The following CLCN5 variants were observed in gnomAD, a reference collection of about 807,000 sequenced individuals.
CLCN5 encodes H(+)/Cl(-) exchange transporter 5.
In CLCN5, 17 loss-of-function variants were observed where a neutral mutation model predicts 54.0. That is an observed-to-expected ratio of 0.31 (90% CI 0.22 to 0.47). The LOEUF is 0.47. Among genes scored for constraint, CLCN5 ranks in the 20% least tolerant of loss-of-function variants. The pLI is 1.00. For missense variants in CLCN5, 448 were observed against 646.7 expected, an observed-to-expected ratio of 0.69 and a Z score of 3.33; for synonymous variants, 222 against 233.0, an observed-to-expected ratio of 0.95 and a Z score of 0.43.
chrX:50,073,070 G>T (rs868947490), intron 6 of CLCN5, among the ~76,000 whole-genome samples: 20 of 110,468 alleles, frequency 1.8e-4, no homozygotes, highest in African/African-American at 5.6e-4. Flanking sequence ...CATAGTGGCT[G>T]GGGGTGGAAT....
chrX:49,981,442 A>G (rs1928725444), intron 3 of CLCN5, among the ~76,000 whole-genome samples: 1 of 111,528 alleles, frequency 9.0e-6, no homozygotes, highest in Admixed American at 9.6e-5. Flanking sequence ...CAACCACAAA[A>G]TGATGATCAA....
chrX:50,040,777 C>T (rs1557187047), intron 3 of CLCN5, among the ~76,000 whole-genome samples: 2 of 111,939 alleles, frequency 1.8e-5, no homozygotes, highest in African/African-American at 6.5e-5. Flanking sequence ...GCCTATCCAG[C>T]ATCATTTTTG....
intron 3 of CLCN5, among the ~76,000 whole-genome samples, chrX:49,971,419 T>C (rs1444517667): frequency 3.7e-5 from 4 of 109,164 alleles, no homozygotes; most frequent in Non-Finnish European, 7.6e-5. Context: ...AGGTGTGAGA[T>C]TGTACACTTT....
intron 3 of CLCN5, among the ~76,000 whole-genome samples, chrX:49,958,217 C>T (rs782063772): frequency 2.5e-4 from 28 of 111,391 alleles, no homozygotes; most frequent in African/African-American, 8.8e-4. Flanking sequence ...TGGAATTGTG[C>T]AGTATATATC....
chrX:49,944,186 C>T (rs1926553146), intron 3 of CLCN5, among the ~76,000 whole-genome samples: 1 of 111,402 alleles, frequency 9.0e-6, no homozygotes, highest in Non-Finnish European at 1.9e-5. Context: ...GAAATTCACT[C>T]ATGATTTGGC....
rs183463773 is a variant in CLCN5, at chrX:50,078,006, C to T, written c.603+2024C>T. Among the ~76,000 whole-genome samples, 24 of 99,066 alleles carry T rather than the reference C, an allele frequency of 2.4e-4. No homozygotes were observed. In the South Asian group the frequency reaches 4.6e-3, roughly 19 times the overall value. 86.0% of individuals were successfully genotyped at this position (99,066 alleles called of 115,157 possible). A position where few individuals can be genotyped will look rare whatever the true frequency, so the allele number is the denominator to read the frequency against. On this transcript the variant is annotated intron_variant, in intron 7 of 14. Coordinates refer to ENST00000376091, the MANE Select transcript of CLCN5 (RefSeq NM_001127898.4). ...TCGCACCACTGCACTCCAGCCTGGG[C>T]GACAGAGCAAGACTCTATCTCAAAA...
At chrX:49,986,377 G>A (rs1301287944) in intron 3 of CLCN5, among the ~76,000 whole-genome samples, 6 of 111,111 alleles carry the variant, frequency 5.4e-5, no homozygotes, top group Admixed American at 9.5e-5. Flanking sequence ...TTTCAAAGGC[G>A]CCATCTGCCC....
At chrX:49,987,223 C>T (rs1250041172) in intron 3 of CLCN5, among the ~76,000 whole-genome samples, 1 of 112,318 alleles carries the variant, frequency 8.9e-6, no homozygotes, top group Non-Finnish European at 1.9e-5. Context: ...CCATTGACAT[C>T]ACCTGTTTAT....
Position 50,090,502 on chromosome X carries a change from A to G in CLCN5, c.2131A>G (p.Ile711Val), listed in dbSNP as rs782502811. The change falls in exon 13 of 15, where the codon ATT becomes GTT. Residue 711 changes from isoleucine (I) to valine (V), a missense_variant. By Grantham distance (29) the Ile-to-Val change is conservative. Transcript: ENST00000376091. ...LVGFVLRRDL[I>V]ISIENARKKQ... ...GGGCTTTGTCCTCCGAAGAGATCTC[A>G]TTATTTCAATTGGTAAGGATTTCAG... The G allele has an allele frequency of 2.5e-6, 3 of 1,205,035 alleles. No homozygotes were observed. The East Asian group carries it at 8.9e-5, about 36-fold the overall frequency.
chrX:50,073,494 A>T (rs1933299165), intron 6 of CLCN5, among the ~76,000 whole-genome samples: 1 of 111,997 alleles, frequency 8.9e-6, no homozygotes, highest in African/African-American at 3.2e-5. Flanking sequence ...TAAAATGGTG[A>T]TAATCAAAGT....
At chrX:49,954,046 A>ATT (rs1227846012) in intron 3 of CLCN5, among the ~76,000 whole-genome samples, 1 of 112,255 alleles carries the variant, frequency 8.9e-6, no homozygotes, top group Non-Finnish European at 1.9e-5. Context: ...GACTCTCATA[A>ATT]TGTTGCACAG....
At chrX:50,039,656 C>T (rs1932137603) in intron 3 of CLCN5, among the ~76,000 whole-genome samples, 1 of 111,827 alleles carries the variant, frequency 8.9e-6, no homozygotes, top group African/African-American at 3.2e-5. Flanking sequence ...GCTTTGGATG[C>T]ACTCTTAATC....
chrX:50,041,386 AT>A (rs1415283959), intron 3 of CLCN5, among the ~76,000 whole-genome samples: 3 of 111,573 alleles, frequency 2.7e-5, no homozygotes, highest in Non-Finnish European at 5.6e-5. Flanking sequence ...GTATACTAAT[AT>A]TTTTTAAGTA....
At chrX:49,941,920 C>CTTTTTTTTTTTT (rs782574821) in intron 3 of CLCN5, among the ~76,000 whole-genome samples, 1 of 60,566 alleles carries the variant, frequency 1.7e-5, no homozygotes, top group African/African-American at 7.1e-5. Context: ...CAATCAGTAT[C>CTTTTTTTTTTTT]TTTTTTTTTT....
chrX:50,013,341 C>T (rs1557182963), intron 3 of CLCN5: 2 of 369,105 alleles, frequency 5.4e-6, no homozygotes, highest in Middle Eastern at 4.5e-4. Flanking sequence ...CATCGTGAAT[C>T]TTCTGCTGAA....
chrX:49,946,368 G>A (rs1438035791), intron 3 of CLCN5, among the ~76,000 whole-genome samples: 3 of 111,149 alleles, frequency 2.7e-5, no homozygotes, highest in Admixed American at 9.6e-5. Context: ...TGTTGGCAGA[G>A]CTGGTGGTCT....
At chrX:49,939,911 A>C (rs12851084) in intron 3 of CLCN5, among the ~76,000 whole-genome samples, 17,427 of 111,242 alleles carry the variant, frequency 0.16, 1,220 homozygotes, top group Middle Eastern at 0.32. Flanking sequence ...GTTCTACATG[A>C]ATCTTATTCA....
At chrX:50,007,397 T>TCTCTCTC (rs1930216491) in intron 3 of CLCN5, among the ~76,000 whole-genome samples, 1 of 64,431 alleles carries the variant, frequency 1.6e-5, no homozygotes, top group African/African-American at 7.8e-5. Context: ...CTCTCTCTCT[T>TCTCTCTC]TCTCTCTCTC....
chrX:50,087,974 G>A (rs1308087450), intron 11 of CLCN5, among the ~76,000 whole-genome samples: 1 of 112,125 alleles, frequency 8.9e-6, no homozygotes, highest in Admixed American at 9.4e-5. Context: ...AGATAGATGA[G>A]CTTTACTTTT....
Sources: allele counts gnomAD v4.1 joint callset (sites outside exome capture counted in the v4.1 genomes callset), GRCh38; gene constraint gnomAD v4.1.1; transcripts MANE v1.5; gene names NCBI Gene and HGNC (gene_info 2026-07-23, HGNC 2026-07-21).